Variants in SLC45A2 observed in about 807,000 individuals in gnomAD.
The protein encoded by SLC45A2 is membrane-associated transporter protein.
Under a neutral mutation model 45.5 loss-of-function variants are expected in SLC45A2, and 36 were observed. That is an observed-to-expected ratio of 0.79 (90% CI 0.61 to 1.04). The LOEUF (loss-of-function observed/expected upper bound fraction) is 1.04, where lower values mean the gene tolerates loss of function less well. Among genes scored for constraint, SLC45A2 ranks in the 50% least tolerant of loss-of-function variants. The pLI, the probability that SLC45A2 is intolerant of heterozygous loss-of-function variation, is 0.00. For missense variants in SLC45A2, 719 were observed against 671.0 expected (o/e 1.07, Z -0.79); for synonymous variants, 306 against 269.3 (o/e 1.14, Z -1.33).
At chr5:33,983,679 G>A (rs1355890825) in intron 1 of SLC45A2, among the ~76,000 whole-genome samples, 1 of 152,172 alleles carries the variant, frequency 6.6e-6, no homozygotes, top group African/African-American at 2.4e-5. Flanking sequence ...CCTCAGGTTT[G>A]CTTTTGTCCA....
chr5:33,945,880 G>C (rs1751906875), intron 6 of SLC45A2: 1 of 828,514 alleles, frequency 1.2e-6, no homozygotes, highest in Non-Finnish European at 1.5e-6. Context: ...CATTTGCTTG[G>C]TTTTTATTTA....
chr5:33,969,069 G>C (rs867552796), intron 2 of SLC45A2, among the ~76,000 whole-genome samples: 1,359 of 42,878 alleles, frequency 0.032, 16 homozygotes, highest in African/African-American at 0.08. Flanking sequence ...CTCTCTCTGT[G>C]TGTGTGTGTG....
intron 3 of SLC45A2, among the ~76,000 whole-genome samples, chr5:33,954,785 T>C (rs566190999): frequency 6.6e-6 from 1 of 152,256 alleles, no homozygotes; most frequent in South Asian, 2.1e-4. Context: ...GTAGGAGACA[T>C]TGAGCATCCT....
At chr5:33,982,113 G>A in intron 2 of SLC45A2, 123 bp downstream of exon 2, 4 of 1,077,278 alleles carry the variant, frequency 3.7e-6, no homozygotes, top group Non-Finnish European at 2.8e-6. Flanking sequence ...CGCATGACGG[G>A]AGCAGCCCAT....
In SLC45A2 at chr5:33,984,568, C is replaced by T. The variant is rs1290322631; in HGVS notation, c.16G>A (p.Gly6Arg). The T allele has an allele frequency of 2.5e-6, 4 of 1,610,464 alleles. 1 individual carries two copies. The highest frequency in any genetic ancestry group is 1.7e-4 in the Middle Eastern group (1 of 5,922). The change falls in exon 1 of 7, where the codon GGG becomes AGG. Residue 6 changes from glycine (G) to arginine (R), a missense_variant. Physicochemically the swap from Gly to Arg is moderately radical, Grantham distance 125 (BLOSUM62 -2). Transcript: ENST00000296589. ...TTATAGATGTGGCGGCCAGCCTGCC[C>T]ACTGTTGCTACCCATGGCCACTGGG... MGSNS[G>R]QAGRHIYKSL...
At chr5:33,973,592 C>T (rs1752845210) in intron 2 of SLC45A2, among the ~76,000 whole-genome samples, 1 of 152,152 alleles carries the variant, frequency 6.6e-6, no homozygotes, top group Non-Finnish European at 1.5e-5. Context: ...TAATTATTTG[C>T]TATTTAGAGC....
At chr5:33,946,428 T>C in intron 6 of SLC45A2, 2 of 985,622 alleles carry the variant, frequency 2.0e-6, no homozygotes, top group South Asian at 4.7e-5. Context: ...AGCTTTTATA[T>C]CATTGCTCCA....
Position 33,984,416 on chromosome 5 carries a change from C to T in SLC45A2, c.168G>A (p.Val56=). 6.2e-7 allele frequency: 1 copy of T among 1,613,520 alleles called. No individual in the cohort carries two copies. The highest frequency in any genetic ancestry group is 8.5e-7 in the Non-Finnish European group (1 of 1,179,750). ...GACCTACGCTGAGCAGGACTGGGGTCACATACGCTGCCTCCACCGCGTAGC... is the reference window on the plus strand; with the variant it reads ...GACCTACGCTGAGCAGGACTGGGGTTACATACGCTGCCTCCACCGCGTAGC... The part of the protein sequence containing the change: ...EFCYAVEAAY[V]TPVLLSVGLP... The change falls in exon 1 of 7, where the codon GTG becomes GTA. Residue 56 remains valine, a synonymous_variant. Coordinates refer to ENST00000296589, the MANE Select transcript of SLC45A2 (RefSeq NM_016180.5).
At chr5:33,966,318 G>A (rs1335890787) in intron 2 of SLC45A2, among the ~76,000 whole-genome samples, 1 of 151,602 alleles carries the variant, frequency 6.6e-6, no homozygotes, top group Non-Finnish European at 1.5e-5. Context: ...ATATGTAAAT[G>A]ACTCTACAAA....
At chr5:33,967,166 A>T (rs1396797832) in intron 2 of SLC45A2, among the ~76,000 whole-genome samples, 1 of 152,212 alleles carries the variant, frequency 6.6e-6, no homozygotes, top group Non-Finnish European at 1.5e-5. Context: ...CCTGCCTGGA[A>T]CTTGCTGAAA....
chr5:33,967,724 C>CACACCTACATCCAGACTGTATTTACCT (rs1752639803), intron 2 of SLC45A2, among the ~76,000 whole-genome samples: 1 of 151,584 alleles, frequency 6.6e-6, no homozygotes. Context: ...TTTTATAACC[C>CACACCTACATCCAGACTGTATTTACCT]CTTGTCTTGT....
intron 2 of SLC45A2, among the ~76,000 whole-genome samples, chr5:33,967,654 A>C (rs1752636552): frequency 1.3e-5 from 2 of 152,296 alleles, no homozygotes; most frequent in Non-Finnish European, 2.9e-5. Context: ...TGCAGATATG[A>C]ATAGGGTTTT....
At chr5:33,961,854 G>A (rs1752468048) in intron 3 of SLC45A2, among the ~76,000 whole-genome samples, 1 of 152,182 alleles carries the variant, frequency 6.6e-6, no homozygotes, top group Non-Finnish European at 1.5e-5. Flanking sequence ...GGGTATTAGT[G>A]TTAGCCTGTT....
intron 2 of SLC45A2, among the ~76,000 whole-genome samples, chr5:33,979,631 C>T (rs1054597559): frequency 2.0e-5 from 3 of 152,094 alleles, no homozygotes; most frequent in Non-Finnish European, 4.4e-5. Context: ...CTTTCAGGGC[C>T]TGCTATGTTA....
rs1436295745 is a variant in SLC45A2, at chr5:33,982,370, C to T, written c.428G>A (p.Ser143Asn). Reference sequence around the variant, plus strand: ...GAGAACGACACCTATCATGGTGACACTTATGGCCCAAACCAGCTTCCTCCT... The same window carrying T: ...GAGAACGACACCTATCATGGTGACATTTATGGCCCAAACCAGCTTCCTCCT... The part of the protein sequence containing the change: ...NPRRKLVWAI[S>N]VTMIGVVLFD... Residue 143 changes from serine to asparagine, a missense_variant, in exon 2 of 7, where the codon AGT (serine) becomes AAT (asparagine). Ser to Asn is a conservative substitution (Grantham distance 46). Transcript: ENST00000296589. 4 of 1,614,164 alleles carry T rather than the reference C, an allele frequency of 2.5e-6. No individual in the cohort carries two copies. The highest frequency in any genetic ancestry group is 3.4e-6 in the Non-Finnish European group (4 of 1,180,016).
At chr5:33,975,158 G>A (rs1561370543) in intron 2 of SLC45A2, among the ~76,000 whole-genome samples, 1 of 152,210 alleles carries the variant, frequency 6.6e-6, no homozygotes, top group South Asian at 2.1e-4. Flanking sequence ...ACATGCACGG[G>A]AGACAGTCGG....
intron 2 of SLC45A2, among the ~76,000 whole-genome samples, chr5:33,974,782 T>C (rs1752876201): frequency 6.6e-6 from 1 of 152,168 alleles, no homozygotes; most frequent in Non-Finnish European, 1.5e-5. Flanking sequence ...TATTCACACT[T>C]TGAACACAGG....
chr5:33,975,225 G>A (rs1351223281), intron 2 of SLC45A2, among the ~76,000 whole-genome samples: 2 of 152,222 alleles, frequency 1.3e-5, no homozygotes, highest in Non-Finnish European at 2.9e-5. Flanking sequence ...GAGCATATTT[G>A]TCTAATTGAT....
At chr5:33,952,201 AC>A (rs560043413) in intron 4 of SLC45A2, among the ~76,000 whole-genome samples, 58 of 152,240 alleles carry the variant, frequency 3.8e-4, no homozygotes, top group African/African-American at 1.4e-3. Flanking sequence ...GTCATAGGTC[AC>A]CGCATCCTTG....
Sources: allele counts gnomAD v4.1 joint callset (sites outside exome capture counted in the v4.1 genomes callset), GRCh38; gene constraint gnomAD v4.1.1; transcripts MANE v1.5; gene names NCBI Gene and HGNC (gene_info 2026-07-23, HGNC 2026-07-21).